Variants in SPACA6 observed in about 807,000 individuals in gnomAD.
The protein encoded by SPACA6 is sperm acrosome membrane-associated protein 6.
For missense variants in SPACA6, 8 were observed against 2.8 expected (o/e 2.88, Z -1.34); for synonymous variants, 6 against 1.5 (o/e 4.05, Z -2.21).
chr19:51,702,610 G>GT lies in SPACA6; in HGVS notation c.362-16dup. 1 of 399,084 alleles carries GT rather than the reference G, an allele frequency of 2.5e-6. No homozygotes were observed. Among genetic ancestry groups the GT allele is most frequent in the South Asian group, 1.3e-4 (1 of 7,856 alleles). The allele number at this position is 399,084 out of a possible 1,614,324, so 24.7% of individuals were successfully genotyped here. On this transcript the variant is annotated intron_variant, in intron 3 of 8. Transcript: ENST00000637797. ...CTTCCCATGACTGTAAGGTAGTGAT[G>GT]TTTCCTCTTCCTCCACAGCCCAGGC...
upstream of SPACA6, chr19:51,687,565 G>T (rs1030702044): frequency 6.6e-6 from 1 of 151,000 alleles, no homozygotes; most frequent in Admixed American, 6.6e-5. Context: ...TGGTATATAT[G>T]TGCATAGATG....
At chr19:51,696,310 C>T (rs143708661) in intron 2 of SPACA6, among the ~76,000 whole-genome samples, 74 of 152,252 alleles carry the variant, frequency 4.9e-4, no homozygotes, top group African/African-American at 1.6e-3. Flanking sequence ...AACCACCTGT[C>T]CTCGGGTTGC....
chr19:51,704,571 CAGG>C (rs2083499824), intron 8 of SPACA6, 91 bp downstream of exon 8: 2 of 400,114 alleles, frequency 5.0e-6, no homozygotes, highest in South Asian at 2.6e-4. Context: ...ACCTCCAACC[CAGG>C]AGGTCAGGCT....
At chr19:51,693,246 C>A, upstream of SPACA6, 1 of 691,968 alleles carries the variant, frequency 1.4e-6, no homozygotes, top group Non-Finnish European at 2.8e-6. Context: ...GGCCACCGCA[C>A]ACCATGTTGC....
At chr19:51,711,769 A>G (rs2083542345) in intron 2 of SPACA6, among the ~76,000 whole-genome samples, 1 of 139,012 alleles carries the variant, frequency 7.2e-6, no homozygotes, top group African/African-American at 2.7e-5. Flanking sequence ...TGCTAAATGA[A>G]GGAAGTCACA....
chr19:51,694,468 TCACC>T lies in SPACA6; in HGVS notation c.215-9_215-6del, dbSNP rs1021252812. On this transcript the variant is annotated splice_polypyrimidine_tract_variant and splice_region_variant and intron_variant, in intron 1 of 8. Transcript: ENST00000637797. ...CCTCCCCCAGCCCCTGCTCCCTCCCTCACCGCCAGACTATGATGAGAGAAGCCAC... is the reference window on the plus strand; with the variant it reads ...CCTCCCCCAGCCCCTGCTCCCTCCCTGCCAGACTATGATGAGAGAAGCCAC... The T allele has an allele frequency of 1.0e-5, 4 of 399,564 alleles. No homozygotes were observed. Among genetic ancestry groups the T allele is most frequent in the Non-Finnish European group, 1.8e-5 (4 of 226,558 alleles). The allele number at this position is 399,564 out of a possible 1,614,324, so 24.8% of individuals were successfully genotyped here. A position where few individuals can be genotyped will look rare whatever the true frequency, so the allele number is the denominator to read the frequency against.
At chr19:51,689,818 A>C (rs1458410259), upstream of SPACA6, among the ~76,000 whole-genome samples, 1 of 151,530 alleles carries the variant, frequency 6.6e-6, no homozygotes, top group African/African-American at 2.4e-5. Context: ...GAGGGAGGAC[A>C]GAGATGGGGG....
chr19:51,704,920 C>T (rs1011147852), intron 8 of SPACA6, 170 bp from the exon 9 acceptor site: 115 of 386,782 alleles, frequency 3.0e-4, no homozygotes, highest in Non-Finnish European at 4.4e-4. Context: ...GTCCAGACCC[C>T]CAAGTTTCTC....
At chr19:51,687,134 G>A (rs939623642), upstream of SPACA6, 2 of 152,106 alleles carry the variant, frequency 1.3e-5, no homozygotes, top group Non-Finnish European at 2.9e-5. Context: ...TGGTGGCGCA[G>A]GCCTGTAGTT....
upstream of SPACA6, among the ~76,000 whole-genome samples, chr19:51,690,699 T>C (rs1404241818): frequency 2.0e-5 from 3 of 152,150 alleles, no homozygotes; most frequent in Admixed American, 2.0e-4. Context: ...ACCAACGCCT[T>C]GTCCAGTGAC....
chr19:51,703,149 C>T lies in SPACA6; in HGVS notation c.463+51C>T, dbSNP rs893363349. On this transcript the variant is annotated intron_variant, in intron 5 of 8. Transcript: ENST00000637797. This position sits in a 1 kb window ranked among gnomAD's most constrained non-coding sequence, Gnocchi z 4.2. ...AGGAGGCCAACCTGAGAAAAGGGAC[C>T]AGAGCACCGAGGGGCATAAGCTGGT... 2.3e-5 allele frequency: 9 copies of T among 399,544 alleles called. No homozygotes were observed. Among genetic ancestry groups the T allele is most frequent in the Non-Finnish European group, 4.0e-5 (9 of 226,532 alleles). The allele number at this position is 399,544 out of a possible 1,614,324, so 24.7% of individuals were successfully genotyped here. A position where few individuals can be genotyped will look rare whatever the true frequency, so the allele number is the denominator to read the frequency against.
At chr19:51,702,068 C>T (rs1027280967) in intron 3 of SPACA6, among the ~76,000 whole-genome samples, 1 of 152,072 alleles carries the variant, frequency 6.6e-6, no homozygotes, top group Admixed American at 6.6e-5. Flanking sequence ...CATCTCAAAA[C>T]GAAACCCACT....
downstream of SPACA6, chr19:51,705,337 C>G (rs927353196): frequency 2.7e-6 from 1 of 375,848 alleles, no homozygotes; most frequent in African/African-American, 2.1e-5. Context: ...CCCAGATACC[C>G]CCTCAGGTTA....
chr19:51,693,929 C>CTCAGAGAGGGGAGGATGGAGAG (rs2083400166), intron 1 of SPACA6, 189 bp downstream of exon 1: 1 of 388,420 alleles, frequency 2.6e-6, no homozygotes, highest in Non-Finnish European at 4.5e-6. Context: ...AGGGCAAAGA[C>CTCAGAGAGGGGAGGATGGAGAG]TCAGAGAGGG....
chr19:51,706,530 C>G (rs1038266033), downstream of SPACA6, among the ~76,000 whole-genome samples: 11 of 152,120 alleles, frequency 7.2e-5, no homozygotes, highest in African/African-American at 2.7e-4. Flanking sequence ...AAATGACTTT[C>G]CTCTGAGTAT....
At chr19:51,707,130 G>T (rs1434952039), downstream of SPACA6, among the ~76,000 whole-genome samples, 1 of 152,116 alleles carries the variant, frequency 6.6e-6, no homozygotes, top group Non-Finnish European at 1.5e-5. Context: ...GCACTGTAGA[G>T]ATCCCAATGA....
At chr19:51,692,715 C>A (rs376734054), upstream of SPACA6, 942 of 533,806 alleles carry the variant, frequency 1.8e-3, 12 homozygotes, top group South Asian at 0.013. The surrounding 1 kb of genome is among the most constrained non-coding windows in gnomAD (Gnocchi z 5.6). Context: ...GCCTCCCCGG[C>A]CCTCCCCCTC....
At chr19:51,696,071 C>T (rs751206637) in intron 2 of SPACA6, among the ~76,000 whole-genome samples, 1 of 152,142 alleles carries the variant, frequency 6.6e-6, no homozygotes, top group African/African-American at 2.4e-5. Flanking sequence ...GTGCAGAGTT[C>T]AGCAGAAAAG....
chr19:51,688,063 AAC>A (rs2083337105), upstream of SPACA6: 1 of 152,234 alleles, frequency 6.6e-6, no homozygotes, highest in Non-Finnish European at 1.5e-5. Flanking sequence ...ATTCAGCTAT[AAC>A]CGTGTCCCCG....
Sources: gnomAD v4.1 joint callset for allele counts (sites outside exome capture counted in the v4.1 genomes callset) on GRCh38, gnomAD v4.1.1 for gene constraint, Gnocchi (gnomAD v3.1) non-coding constraint, MANE v1.5 for transcripts, NCBI Gene and HGNC (gene_info 2026-07-23, HGNC 2026-07-21) for gene names.